Variants in ASMTL observed in about 807,000 individuals in gnomAD.
The protein encoded by ASMTL is probable bifunctional dTTP/UTP pyrophosphatase/methyltransferase protein.
ASMTL carries 57 observed loss-of-function variants against 60.3 expected under a neutral mutation model. The observed-to-expected ratio is 0.95, with a 90% confidence interval of 0.76 to 1.18. ASMTL has a LOEUF of 1.18. ASMTL is among the 50% of genes most tolerant of loss of function. The pLI, the probability that ASMTL is intolerant of heterozygous loss-of-function variation, is 0.00. For synonymous variants in ASMTL, 419 were observed against 373.0 expected, an observed-to-expected ratio of 1.12 and a Z score of -1.42; for missense variants, 981 against 852.6, an observed-to-expected ratio of 1.15 and a Z score of -1.88.
rs755797255 is a variant in ASMTL, at chrX:1,421,812, T to C, written c.1091A>G (p.Tyr364Cys). 1.2e-6 allele frequency: 2 copies of C among 1,613,812 alleles called. No individual in the cohort carries two copies. Among genetic ancestry groups the C allele is most frequent in the East Asian group, 4.5e-5 (2 of 44,884 alleles). ...GYSNTETANV[Y>C]LASDGEYSLH... Reference sequence around the variant, plus strand: ...AGAGTATTCGCCATCCGATGCCAGGTAGACGTTCGCTGTCTCTGTGTTACT... The same window carrying C: ...AGAGTATTCGCCATCCGATGCCAGGCAGACGTTCGCTGTCTCTGTGTTACT... Residue 364 changes from tyrosine to cysteine, a missense_variant, in exon 9 of 13, where the codon TAC becomes TGC. Transcript: ENST00000381317.
At position 1,403,192 on chromosome X, in the gene ASMTL, C is replaced by G. The variant is rs1395612866; in HGVS notation, c.*77G>C. On this transcript the variant is annotated 3_prime_UTR_variant, in exon 13 of 13. Coordinates refer to ENST00000381317, the MANE Select transcript of ASMTL (RefSeq NM_004192.4). ...GACTACACGCTCCTATGTGACTGTCCTATGGTACTTGGGGACCGGGCGGTC... is the reference window on the plus strand; with the variant it reads ...GACTACACGCTCCTATGTGACTGTCGTATGGTACTTGGGGACCGGGCGGTC... 3.1e-5 allele frequency: 38 copies of G among 1,207,778 alleles called. No individual in the cohort carries two copies. Among genetic ancestry groups the G allele is most frequent in the Non-Finnish European group, 4.1e-5 (34 of 820,390 alleles). The allele number at this position is 1,207,778 out of a possible 1,614,324, so 74.8% of individuals were successfully genotyped here.
At chrX:1,447,313 C>A (rs190505022) in intron 1 of ASMTL, among the ~76,000 whole-genome samples, 55 of 152,350 alleles carry the variant, frequency 3.6e-4, no homozygotes, top group Non-Finnish European at 6.2e-4. Context: ...CCATCTTGGA[C>A]ACACACCGCC....
chrX:1,423,310 T>C (rs1252596622), intron 8 of ASMTL, among the ~76,000 whole-genome samples: 3 of 152,034 alleles, frequency 2.0e-5, no homozygotes, highest in Non-Finnish European at 2.9e-5. Flanking sequence ...CTGGCTTCTA[T>C]GTTCCAGCCT....
At chrX:1,406,925 T>A (rs1289217649) in intron 12 of ASMTL, among the ~76,000 whole-genome samples, 1 of 148,532 alleles carries the variant, frequency 6.7e-6, no homozygotes, top group Non-Finnish European at 1.5e-5. Context: ...GATGAATAGA[T>A]GGATGCATGG....
chrX:1,446,569 G>A (rs1407215823), intron 1 of ASMTL, among the ~76,000 whole-genome samples: 10 of 146,282 alleles, frequency 6.8e-5, no homozygotes, highest in African/African-American at 2.3e-4. Flanking sequence ...GTGCCATCTC[G>A]GTTCACTGCA....
Position 1,410,605 on chromosome X carries a change from G to C in ASMTL, c.1645+2127C>G, listed in dbSNP as rs1470788820. ...ATTTTTGTATTTTTAGTAGAGGCGGGGTTTCACCACGTGGCTTAGGCTGGT... is the reference window on the plus strand; with the variant it reads ...ATTTTTGTATTTTTAGTAGAGGCGGCGTTTCACCACGTGGCTTAGGCTGGT... On this transcript the variant is annotated intron_variant, in intron 12 of 12. Coordinates refer to ENST00000381317, the MANE Select transcript of ASMTL (RefSeq NM_004192.4). Among the ~76,000 whole-genome samples the C allele has an allele frequency of 2.6e-5, 4 of 152,122 alleles. 1 individual carries two copies.
chrX:1,432,491 G>A (rs373169439), intron 5 of ASMTL, 114 bp from the exon 6 acceptor site: 2 of 751,756 alleles, frequency 2.7e-6, no homozygotes, highest in Admixed American at 2.1e-5. Flanking sequence ...GCACAGTTCA[G>A]ATATGGATGC....
intron 12 of ASMTL, among the ~76,000 whole-genome samples, chrX:1,410,396 A>C (rs2089964994): frequency 6.6e-6 from 1 of 150,678 alleles, no homozygotes. Flanking sequence ...ACAGAGGGGG[A>C]CTCCTATCTC....
At chrX:1,445,070 C>T (rs1463055204) in intron 1 of ASMTL, among the ~76,000 whole-genome samples, 3 of 152,132 alleles carry the variant, frequency 2.0e-5, no homozygotes, top group Non-Finnish European at 2.9e-5. Context: ...CAGGAACATC[C>T]AACATCAGAC....
chrX:1,424,983 CATCT>C (rs758620244), intron 8 of ASMTL, among the ~76,000 whole-genome samples: 5 of 18,452 alleles, frequency 2.7e-4, no homozygotes, highest in African/African-American at 4.8e-4. Flanking sequence ...TCCTCCCATC[CATCT>C]ATCCACCTAC....
At chrX:1,412,262 C>G (rs1464185598) in intron 12 of ASMTL, among the ~76,000 whole-genome samples, 4 of 152,088 alleles carry the variant, frequency 2.6e-5, no homozygotes, top group Non-Finnish European at 5.9e-5. Context: ...GAATCTCACT[C>G]CGTCGCCCAG....
chrX:1,446,953 C>T (rs1436468500), intron 1 of ASMTL, among the ~76,000 whole-genome samples: 1 of 152,206 alleles, frequency 6.6e-6, no homozygotes, highest in Admixed American at 6.5e-5. Flanking sequence ...ATTTTTCTGG[C>T]TACATGTCTC....
chrX:1,414,441 G>A lies in ASMTL; in HGVS notation c.1523-1587C>T, dbSNP rs187969320. Among the ~76,000 whole-genome samples the A allele has an allele frequency of 4.6e-5, 7 of 152,210 alleles. No homozygotes were observed. In the East Asian group the frequency reaches 7.7e-4, roughly 17 times the overall value. On this transcript the variant is annotated intron_variant, in intron 11 of 12. Transcript: ENST00000381317. ...ATTTTAAACTTTAGCATTTCCGGCCGGGCGGGGTGTAATCCCAGCACTTTG... is the reference window on the plus strand; with the variant it reads ...ATTTTAAACTTTAGCATTTCCGGCCAGGCGGGGTGTAATCCCAGCACTTTG...
At chrX:1,436,122 C>G (rs1290281614) in intron 3 of ASMTL, among the ~76,000 whole-genome samples, 1 of 152,192 alleles carries the variant, frequency 6.6e-6, no homozygotes. Flanking sequence ...GTTTCTGTCA[C>G]TGACCGTGAT....
chrX:1,415,553 C>T (rs1277997280), intron 11 of ASMTL, among the ~76,000 whole-genome samples: 2 of 151,836 alleles, frequency 1.3e-5, no homozygotes, highest in African/African-American at 4.8e-5. Flanking sequence ...GCAACCTCCG[C>T]CTCCCAGGTT....
At chrX:1,416,902 GACAT>G (rs1362241223) in intron 11 of ASMTL, among the ~76,000 whole-genome samples, 12 of 149,396 alleles carry the variant, frequency 8.0e-5, no homozygotes, top group African/African-American at 2.0e-4. Flanking sequence ...TACCCTCAGA[GACAT>G]ACACACCACA....
chrX:1,436,439 G>A (rs6644945), intron 3 of ASMTL, among the ~76,000 whole-genome samples: 32,971 of 150,196 alleles, frequency 0.22, 4,855 homozygotes, highest in African/African-American at 0.45. Flanking sequence ...TGCAAGCTCC[G>A]CCTCCCGGGT....
chrX:1,415,298 T>A (rs1184221278), intron 11 of ASMTL, among the ~76,000 whole-genome samples: 1 of 152,154 alleles, frequency 6.6e-6, no homozygotes, highest in East Asian at 1.9e-4. Context: ...GGCCACACTG[T>A]GACGGCTCTC....
intron 3 of ASMTL, among the ~76,000 whole-genome samples, chrX:1,437,645 C>A (rs1449056837): frequency 6.6e-6 from 1 of 152,104 alleles, no homozygotes; most frequent in African/African-American, 2.4e-5. Flanking sequence ...CGCCTGTAAT[C>A]CTAGCACTTT....
Sources: allele counts gnomAD v4.1 joint callset (sites outside exome capture counted in the v4.1 genomes callset), GRCh38; gene constraint gnomAD v4.1.1; transcripts MANE v1.5; gene names NCBI Gene and HGNC (gene_info 2026-07-23, HGNC 2026-07-21).